Variants in SNRK observed in about 807,000 individuals in gnomAD.
The protein encoded by SNRK is SNF-related serine/threonine-protein kinase.
Under a neutral mutation model 48.2 loss-of-function variants are expected in SNRK, and 3 were observed. That is an observed-to-expected ratio of 0.06 (90% CI 0.03 to 0.16). The LOEUF (loss-of-function observed/expected upper bound fraction) is 0.16, where lower values mean the gene tolerates loss of function less well. Ranked by LOEUF, SNRK falls within the 10% of genes least tolerant of loss-of-function variation. The pLI is 1.00. For synonymous variants in SNRK, 376 were observed against 366.1 expected (o/e 1.03, Z -0.31); for missense variants, 627 against 976.0 (o/e 0.64, Z 4.76).
chr3:43,348,314 GAAA>G lies in SNRK; in HGVS notation c.2057_2059del (p.Lys686del), dbSNP rs1212010866. On this transcript the variant is annotated inframe_deletion, in exon 7 of 7. Coordinates refer to ENST00000296088, the MANE Select transcript of SNRK (RefSeq NM_017719.5). ...TGAAAGTCCAAGAGAAATCTACGTG[GAAA>G]ATGTGCATTAGCTCCACAGGGAATG... 1 of 1,613,386 alleles carries G rather than the reference GAAA, an allele frequency of 6.2e-7. No homozygotes were observed. Among genetic ancestry groups the G allele is most frequent in the Admixed American group, 1.7e-5 (1 of 59,942 alleles).
intron 3 of SNRK, among the ~76,000 whole-genome samples, chr3:43,319,182 A>G (rs1331806561): frequency 1.3e-5 from 2 of 152,170 alleles, no homozygotes; most frequent in East Asian, 1.9e-4. Context: ...AGGAGGTTGC[A>G]TGTGTGGTCA....
chr3:43,340,271 T>C lies in SNRK; in HGVS notation c.732-16T>C, dbSNP rs373644283. ...CAAGCAGTTTGCTTTAACAATGGAC[T>C]TACCTTCCTTTCCAGCCTAATCACA... On this transcript the variant is annotated splice_polypyrimidine_tract_variant and intron_variant, in intron 4 of 6. Coordinates refer to ENST00000296088, the MANE Select transcript of SNRK (RefSeq NM_017719.5). The C allele has an allele frequency of 2.1e-5, 33 of 1,607,884 alleles. No individual in the cohort carries two copies. In the African/African-American group the frequency reaches 3.9e-4, roughly 19 times the overall value.
At chr3:43,308,932 G>T (rs1014702158) in intron 3 of SNRK, among the ~76,000 whole-genome samples, 1 of 152,166 alleles carries the variant, frequency 6.6e-6, no homozygotes, top group Admixed American at 6.5e-5. Context: ...CATGGGAGGA[G>T]GTCAGAATAT....
At chr3:43,294,961 A>G (rs991575452) in intron 1 of SNRK, among the ~76,000 whole-genome samples, 9 of 152,182 alleles carry the variant, frequency 5.9e-5, no homozygotes, top group Non-Finnish European at 8.8e-5. Context: ...AGTAATTTCT[A>G]TACACCCAGC....
At chr3:43,343,996 C>T (rs569714050) in intron 6 of SNRK, among the ~76,000 whole-genome samples, 9 of 152,180 alleles carry the variant, frequency 5.9e-5, no homozygotes, top group Non-Finnish European at 8.8e-5. Context: ...TGCTTAACCT[C>T]TCTATGACTT....
In SNRK at chr3:43,347,280, T is replaced by C; in HGVS notation, c.1080-59T>C. On this transcript the variant is annotated intron_variant, in intron 6 of 6. Transcript: ENST00000296088. This position sits in a 1 kb window ranked among gnomAD's most constrained non-coding sequence, Gnocchi z 5.4. ...CCAGTAAGTTCATTGTGATGTACTT[T>C]ACTATCATCTGCATAATGATTATAT... 1 of 1,483,456 alleles carries C rather than the reference T, an allele frequency of 6.7e-7. No individual in the cohort carries two copies. Among genetic ancestry groups the C allele is most frequent in the Non-Finnish European group, 9.0e-7 (1 of 1,111,038 alleles). The allele number at this position is 1,483,456 out of a possible 1,614,324, so 91.9% of individuals were successfully genotyped here.
chr3:43,322,299 TAAG>T (rs2091059490), intron 3 of SNRK, among the ~76,000 whole-genome samples: 1 of 152,242 alleles, frequency 6.6e-6, no homozygotes, highest in Non-Finnish European at 1.5e-5. Context: ...CCAGGTGAAT[TAAG>T]GATTTGTATG....
intron 3 of SNRK, among the ~76,000 whole-genome samples, chr3:43,304,838 A>C (rs563864290): frequency 1.1e-4 from 16 of 152,248 alleles, no homozygotes; most frequent in South Asian, 8.3e-4. Flanking sequence ...TGTTATGACT[A>C]TCATGTTCTG....
At chr3:43,300,261 A>G (rs2090888946) in intron 2 of SNRK, among the ~76,000 whole-genome samples, 2 of 152,266 alleles carry the variant, frequency 1.3e-5, no homozygotes, top group South Asian at 4.1e-4. Flanking sequence ...CTTGCTGGCA[A>G]AGGTTTGGGA....
At chr3:43,330,751 T>C (rs993234903) in intron 3 of SNRK, among the ~76,000 whole-genome samples, 1 of 152,156 alleles carries the variant, frequency 6.6e-6, no homozygotes, top group Non-Finnish European at 1.5e-5. Context: ...AGATAATGCA[T>C]GCATTCAAAA....
intron 3 of SNRK, among the ~76,000 whole-genome samples, chr3:43,315,486 T>C (rs62250883): frequency 0.032 from 4,931 of 152,292 alleles, 123 homozygotes; most frequent in Middle Eastern, 0.058. Flanking sequence ...TTGTTTAACT[T>C]TTATATTACT....
chr3:43,303,734 T>C lies in SNRK; in HGVS notation c.531T>C (p.Ser177=), dbSNP rs1364409835. 6.2e-7 allele frequency: 1 copy of C among 1,613,964 alleles called. No individual in the cohort carries two copies. Among genetic ancestry groups the C allele is most frequent in the South Asian group, 1.1e-5 (1 of 91,082 alleles). ...AGAAGCTCACTACAAGCTGTGGATC[T>C]CTTGCATATTCCGCTCCAGAAATTC... ...PGKKLTTSCG[S]LAYSAPEILL... is the part of the protein sequence containing the mutation. The change falls in exon 3 of 7, where the codon TCT becomes TCC. Residue 177 remains serine (S), a synonymous_variant. Transcript: ENST00000296088. The surrounding 1 kb of genome is among the most constrained non-coding windows in gnomAD (Gnocchi z 6.2).
chr3:43,339,021 G>A (rs538263702), intron 4 of SNRK, among the ~76,000 whole-genome samples: 3 of 152,202 alleles, frequency 2.0e-5, no homozygotes, highest in Admixed American at 6.5e-5. Flanking sequence ...TTGGTACCTT[G>A]TTTCTTTTTT....
At chr3:43,337,225 C>T (rs1454630572) in intron 4 of SNRK, among the ~76,000 whole-genome samples, 3 of 151,970 alleles carry the variant, frequency 2.0e-5, no homozygotes, top group East Asian at 1.9e-4. Context: ...AGGCACACGC[C>T]ACCACATCTG....
intron 3 of SNRK, among the ~76,000 whole-genome samples, chr3:43,325,258 C>T (rs1314712472): frequency 2.0e-5 from 3 of 152,190 alleles, no homozygotes; most frequent in African/African-American, 7.2e-5. Context: ...CTCTGCCTCC[C>T]GGGTTCACAC....
intron 6 of SNRK, 71 bp downstream of exon 6, chr3:43,343,549 T>TTA: frequency 1.5e-6 from 2 of 1,322,108 alleles, no homozygotes; most frequent in East Asian, 2.5e-5. Context: ...TTTTTTTTTT[T>TTA]AATGCTTCCT....
chr3:43,311,430 G>A (rs1183774436), intron 3 of SNRK, among the ~76,000 whole-genome samples: 1 of 152,088 alleles, frequency 6.6e-6, no homozygotes, highest in Admixed American at 6.5e-5. Flanking sequence ...TAGGGATTTG[G>A]GAAAAGGGAG....
At chr3:43,327,631 T>C (rs2091106023) in intron 3 of SNRK, among the ~76,000 whole-genome samples, 1 of 152,184 alleles carries the variant, frequency 6.6e-6, no homozygotes, top group Non-Finnish European at 1.5e-5. Context: ...AGAAATGACT[T>C]TTTAGGAAAC....
intron 3 of SNRK, among the ~76,000 whole-genome samples, chr3:43,316,661 TC>T (rs2091015355): frequency 6.6e-6 from 1 of 151,970 alleles, no homozygotes; most frequent in African/African-American, 2.4e-5. Context: ...TTTTAACCAC[TC>T]TCTGCTCATT....
Sources: allele counts gnomAD v4.1 joint callset (sites outside exome capture counted in the v4.1 genomes callset), GRCh38; gene constraint gnomAD v4.1.1; non-coding constraint Gnocchi (gnomAD v3.1); transcripts MANE v1.5; gene names NCBI Gene and HGNC (gene_info 2026-07-23, HGNC 2026-07-21).